The following PDGFD variants were observed in gnomAD, a reference collection of about 807,000 sequenced individuals.
PDGFD encodes platelet-derived growth factor D.
PDGFD carries 30 observed loss-of-function variants against 44.7 expected under a neutral mutation model. The ratio of observed to expected loss-of-function variants is 0.67; its 90% CI spans 0.50 to 0.91. The LOEUF is 0.91. Among genes scored for constraint, PDGFD ranks in the 40% least tolerant of loss-of-function variants. The probability of loss-of-function intolerance (pLI) is 0.00; values close to 1 mark genes in which losing one functional copy is unlikely to be tolerated. For synonymous variants in PDGFD, 173 were observed against 168.4 expected (o/e 1.03, Z -0.21); for missense variants, 445 against 457.8 (o/e 0.97, Z 0.25).
intron 1 of PDGFD, among the ~76,000 whole-genome samples, chr11:104,094,385 T>A (rs1392713889): frequency 6.6e-6 from 1 of 151,988 alleles, no homozygotes; most frequent in Non-Finnish European, 1.5e-5. Context: ...GGTCTTCTCA[T>A]CCATAAAATA....
At chr11:104,063,783 CA>C (rs1860748109) in intron 1 of PDGFD, among the ~76,000 whole-genome samples, 1 of 152,128 alleles carries the variant, frequency 6.6e-6, no homozygotes, top group Non-Finnish European at 1.5e-5. Flanking sequence ...ATCATGAGAA[CA>C]GTGTGGGGAA....
intron 1 of PDGFD, among the ~76,000 whole-genome samples, chr11:104,114,887 T>TG (rs1166723657): frequency 1.5e-4 from 22 of 150,286 alleles, no homozygotes; most frequent in Middle Eastern, 3.4e-3. Context: ...AGGTTTTTTT[T>TG]TTTGTTTTTT....
chr11:104,104,616 C>A (rs900850054), intron 1 of PDGFD, among the ~76,000 whole-genome samples: 1 of 152,126 alleles, frequency 6.6e-6, no homozygotes. Context: ...AAGCTACAAA[C>A]CATCTATAGC....
chr11:103,915,105 G>C (rs1311802320), intron 6 of PDGFD, among the ~76,000 whole-genome samples: 1 of 152,102 alleles, frequency 6.6e-6, no homozygotes, highest in Non-Finnish European at 1.5e-5. Flanking sequence ...AGGGCAATCA[G>C]GCAATAGAAA....
At chr11:104,012,699 T>C (rs1859801180) in intron 1 of PDGFD, among the ~76,000 whole-genome samples, 1 of 152,198 alleles carries the variant, frequency 6.6e-6, no homozygotes, top group Non-Finnish European at 1.5e-5. Flanking sequence ...ATCTTAGTGG[T>C]TTTAAAGTTT....
intron 6 of PDGFD, among the ~76,000 whole-genome samples, chr11:103,919,560 G>A (rs1858178364): frequency 7.4e-6 from 1 of 136,030 alleles, no homozygotes; most frequent in African/African-American, 2.8e-5. Flanking sequence ...CCAGGCTAGA[G>A]TGCAATGGTG....
intron 3 of PDGFD, among the ~76,000 whole-genome samples, chr11:103,980,877 G>A (rs1347158795): frequency 6.6e-6 from 1 of 151,902 alleles, no homozygotes; most frequent in African/African-American, 2.4e-5. Flanking sequence ...TACCATGCTG[G>A]CACCTTGATC....
chr11:103,912,603 T>C (rs886441277), intron 6 of PDGFD, among the ~76,000 whole-genome samples: 3 of 152,200 alleles, frequency 2.0e-5, no homozygotes, highest in Non-Finnish European at 2.9e-5. Flanking sequence ...AGTGTCATAA[T>C]GGCAGGATCA....
chr11:103,923,387 G>A (rs769940021), intron 6 of PDGFD, among the ~76,000 whole-genome samples: 8 of 152,106 alleles, frequency 5.3e-5, no homozygotes, highest in African/African-American at 9.7e-5. Flanking sequence ...TATTAGCTTC[G>A]TTAGAAGCTT....
chr11:104,089,598 T>C (rs1166793373), intron 1 of PDGFD, among the ~76,000 whole-genome samples: 1 of 152,188 alleles, frequency 6.6e-6, no homozygotes, highest in Non-Finnish European at 1.5e-5. Flanking sequence ...ACAAGAATTA[T>C]ATCAATTGAT....
chr11:104,097,275 A>G (rs1861301496), intron 1 of PDGFD, among the ~76,000 whole-genome samples: 1 of 152,204 alleles, frequency 6.6e-6, no homozygotes, highest in Admixed American at 6.5e-5. Context: ...GGGTGTTCAT[A>G]TATCGATAGA....
intron 1 of PDGFD, among the ~76,000 whole-genome samples, chr11:104,101,836 C>T (rs189714739): frequency 0.012 from 1,759 of 152,028 alleles, 56 homozygotes; most frequent in African/African-American, 0.041. Flanking sequence ...AAAGGATTTC[C>T]TATTTAATAA....
chr11:104,022,868 A>C (rs1859983938), intron 1 of PDGFD, among the ~76,000 whole-genome samples: 1 of 152,104 alleles, frequency 6.6e-6, no homozygotes, highest in Non-Finnish European at 1.5e-5. Flanking sequence ...TTTGCTGGTA[A>C]AGTTTCCTGA....
intron 3 of PDGFD, among the ~76,000 whole-genome samples, chr11:103,967,588 A>G (rs1358185432): frequency 6.6e-6 from 1 of 152,026 alleles, no homozygotes; most frequent in Non-Finnish European, 1.5e-5. Context: ...CCCCAAATTC[A>G]TCACTTTGGC....
chr11:104,150,316 G>A (rs1464580485), intron 1 of PDGFD, among the ~76,000 whole-genome samples: 1 of 152,090 alleles, frequency 6.6e-6, no homozygotes, highest in East Asian at 1.9e-4. Context: ...CACGGAATTA[G>A]GGCAGAAGTG....
intron 1 of PDGFD, among the ~76,000 whole-genome samples, chr11:104,009,379 G>C (rs1859749116): frequency 6.6e-6 from 1 of 151,964 alleles, no homozygotes; most frequent in Non-Finnish European, 1.5e-5. Flanking sequence ...TTAATTTAGA[G>C]TGGCAAGCTC....
intron 1 of PDGFD, among the ~76,000 whole-genome samples, chr11:104,021,644 G>A (rs1859956215): frequency 6.6e-6 from 1 of 152,122 alleles, no homozygotes; most frequent in Admixed American, 6.6e-5. Flanking sequence ...CCTGACTCTG[G>A]GAGCCAGCAC....
At chr11:104,162,134 G>T (rs533052759) in intron 1 of PDGFD, among the ~76,000 whole-genome samples, 2 of 148,806 alleles carry the variant, frequency 1.3e-5, no homozygotes, top group South Asian at 2.1e-4. Context: ...AAACTAAAAT[G>T]AGATTATTCT....
intron 1 of PDGFD, among the ~76,000 whole-genome samples, chr11:104,000,660 AACTTTGT>A (rs1426287348): frequency 1.3e-5 from 2 of 152,172 alleles, no homozygotes; most frequent in African/African-American, 4.8e-5. Context: ...ATGTCTGTCT[AACTTTGT>A]ACTTTGGGAG....
Sources: gnomAD v4.1 joint callset for allele counts (sites outside exome capture counted in the v4.1 genomes callset) on GRCh38, gnomAD v4.1.1 for gene constraint, MANE v1.5 for transcripts, NCBI Gene and HGNC (gene_info 2026-07-23, HGNC 2026-07-21) for gene names.